GUCY2C: variants seen among roughly 807,000 people sequenced by gnomAD.
GUCY2C encodes the protein guanylyl cyclase C.
GUCY2C carries 118 observed loss-of-function variants against 131.1 expected under a neutral mutation model. The ratio of observed to expected loss-of-function variants is 0.90; its 90% confidence interval spans 0.78 to 1.05. GUCY2C has a LOEUF of 1.05. Ranked by LOEUF, GUCY2C falls within the 50% of genes least tolerant of loss-of-function variation. The pLI is 0.00. For synonymous variants in GUCY2C, 452 were observed against 457.8 expected, an observed-to-expected ratio of 0.99 and a Z score of 0.16; for missense variants, 1,161 against 1,304.4, an observed-to-expected ratio of 0.89 and a Z score of 1.69.
chr12:14,679,150 G>T (rs1948295338), intron 6 of GUCY2C, among the ~76,000 whole-genome samples: 1 of 152,214 alleles, frequency 6.6e-6, no homozygotes, highest in African/African-American at 2.4e-5. Context: ...CAGTATTATT[G>T]AGTCTTTAGT....
At chr12:14,615,547 C>A (rs906162904) in intron 25 of GUCY2C, among the ~76,000 whole-genome samples, 1 of 151,320 alleles carries the variant, frequency 6.6e-6, no homozygotes, top group Non-Finnish European at 1.5e-5. Context: ...ATGGCCCAAA[C>A]ACAGCCAGTG....
At chr12:14,672,113 C>T (rs1235231528) in intron 9 of GUCY2C, among the ~76,000 whole-genome samples, 1 of 151,992 alleles carries the variant, frequency 6.6e-6, no homozygotes, top group Non-Finnish European at 1.5e-5. Context: ...TATGTTATGT[C>T]AGGACCTGAC....
intron 9 of GUCY2C, 132 bp from the exon 10 acceptor site, chr12:14,669,965 A>C (rs1183946166): frequency 9.4e-6 from 5 of 529,952 alleles, no homozygotes; most frequent in South Asian, 2.7e-5. Flanking sequence ...GCAACTGTTA[A>C]CCAGCTAGTT....
At chr12:14,662,815 T>G (rs1406710696) in intron 10 of GUCY2C, among the ~76,000 whole-genome samples, 1 of 152,210 alleles carries the variant, frequency 6.6e-6, no homozygotes, top group Non-Finnish European at 1.5e-5. Flanking sequence ...GTCTTTATTT[T>G]GGTTACCAAA....
At chr12:14,633,572 A>G (rs1477955703) in intron 19 of GUCY2C, among the ~76,000 whole-genome samples, 1 of 152,194 alleles carries the variant, frequency 6.6e-6, no homozygotes, top group African/African-American at 2.4e-5. Flanking sequence ...TCCAATGAAA[A>G]GGAAATTAAT....
intron 20 of GUCY2C, among the ~76,000 whole-genome samples, chr12:14,626,592 C>G (rs1947022557): frequency 6.6e-6 from 1 of 152,116 alleles, no homozygotes; most frequent in Non-Finnish European, 1.5e-5. Context: ...TCACAGTATT[C>G]TTTACAACAG....
At chr12:14,616,594 G>T in intron 25 of GUCY2C, 39 bp downstream of exon 25, 2 of 1,153,686 alleles carry the variant, frequency 1.7e-6, no homozygotes, top group Non-Finnish European at 2.6e-6. Context: ...AAGCGTGTCT[G>T]AGAGCTTTTC....
At chr12:14,632,335 T>G (rs1279346100) in intron 19 of GUCY2C, among the ~76,000 whole-genome samples, 2 of 152,206 alleles carry the variant, frequency 1.3e-5, no homozygotes, top group Non-Finnish European at 2.9e-5. Context: ...TGCCTAGGTT[T>G]TCTTCTAGGG....
At chr12:14,626,195 C>T (rs1947011606) in intron 20 of GUCY2C, among the ~76,000 whole-genome samples, 1 of 151,980 alleles carries the variant, frequency 6.6e-6, no homozygotes, top group Admixed American at 6.6e-5. Context: ...CAGAAATTAG[C>T]CGGGCATGGT....
chr12:14,624,182 T>C (rs1946956980), intron 21 of GUCY2C, among the ~76,000 whole-genome samples: 1 of 152,178 alleles, frequency 6.6e-6, no homozygotes, highest in African/African-American at 2.4e-5. Flanking sequence ...GGCTCACACC[T>C]GTAATCCCAG....
chr12:14,622,670 G>C (rs757630856), intron 21 of GUCY2C, among the ~76,000 whole-genome samples: 3 of 152,060 alleles, frequency 2.0e-5, no homozygotes, highest in Non-Finnish European at 4.4e-5. Flanking sequence ...ATGTAATATG[G>C]CATTGCTTAA....
intron 5 of GUCY2C, among the ~76,000 whole-genome samples, chr12:14,680,600 T>TA (rs1321636208): frequency 2.6e-5 from 4 of 152,338 alleles, no homozygotes. Flanking sequence ...TTGCCCCTGA[T>TA]ACATTCTTGT....
intron 25 of GUCY2C, among the ~76,000 whole-genome samples, chr12:14,615,353 G>GCTACAAAACTTTTGCTACAGTTTCC (rs1256619900): frequency 6.6e-6 from 1 of 151,800 alleles, no homozygotes; most frequent in Non-Finnish European, 1.5e-5. Context: ...ATAAAGTTTT[G>GCTACAAAACTTTTGCTACAGTTTCC]CTACAAAACT....
At chr12:14,630,200 A>G (rs1947111287) in intron 19 of GUCY2C, among the ~76,000 whole-genome samples, 1 of 151,808 alleles carries the variant, frequency 6.6e-6, no homozygotes, top group Non-Finnish European at 1.5e-5. Context: ...TACTAGATGC[A>G]ATCCCTGTCC....
chr12:14,683,239 G>C lies in GUCY2C; in HGVS notation c.414C>G (p.Ser138Arg), dbSNP rs1948386871. The C allele has an allele frequency of 6.2e-7, 1 of 1,612,342 alleles. No homozygotes were observed. Among genetic ancestry groups the C allele is most frequent in the Non-Finnish European group, 8.5e-7 (1 of 1,178,550 alleles). Residue 138 changes from serine (S) to arginine (R), a missense_variant, in exon 4 of 27, where the codon AGC becomes AGG. Physicochemically the swap from Ser to Arg is moderately radical, Grantham distance 110. Coordinates refer to ENST00000261170, the MANE Select transcript of GUCY2C (RefSeq NM_004963.4). ...AACTTCCAGCTGAGATCATGGGGTA[G>C]CTCAATTCTGTGTCAAGGCTATGTC... ...TFQMYLDTEL[S>R]YPMISAGSFG...
In GUCY2C at chr12:14,661,016, C is replaced by T; in HGVS notation, c.1329G>A (p.Val443=). ...GGAGAGCGACGAGCAGGAGCAGCAC[C>T]ACAGCTCCAGTGAGGGTGAAGACTG... The part of the protein sequence containing the change: ...MIAVFTLTGA[V]VLLLLVALLM... The change falls in exon 11 of 27, where the codon GTG becomes GTA. Residue 443 remains valine, a synonymous_variant. Transcript: ENST00000261170. The T allele has an allele frequency of 1.2e-6, 2 of 1,613,152 alleles. No homozygotes were observed. Among genetic ancestry groups the T allele is most frequent in the African/African-American group, 2.7e-5 (2 of 75,004 alleles).
At chr12:14,683,386 G>T (rs1224617016) in intron 3 of GUCY2C, 129 bp from the exon 4 acceptor site, 1 of 635,474 alleles carries the variant, frequency 1.6e-6, no homozygotes, top group Admixed American at 2.8e-5. Flanking sequence ...ATTAAAGCAG[G>T]TTTCTCATGT....
intron 3 of GUCY2C, 55 bp downstream of exon 3, chr12:14,686,106 G>A (rs1948463720): frequency 9.4e-7 from 1 of 1,066,692 alleles, no homozygotes; most frequent in Non-Finnish European, 1.5e-6. Flanking sequence ...TGTTTGATGA[G>A]TCCTTTAAGT....
At position 14,696,240 on chromosome 12, in the gene GUCY2C, T is replaced by G; in HGVS notation, c.209A>C (p.Gln70Pro). 1 of 1,612,886 alleles carries G rather than the reference T, an allele frequency of 6.2e-7. No individual in the cohort carries two copies. Among genetic ancestry groups the G allele is most frequent in the Non-Finnish European group, 8.5e-7 (1 of 1,178,842 alleles). The change falls in exon 1 of 27, where the codon CAA (glutamine) becomes CCA (proline). Residue 70 changes from glutamine (Q) to proline (P), a missense_variant. By Grantham distance (76) the Gln-to-Pro change is moderately conservative. Coordinates refer to ENST00000261170, the MANE Select transcript of GUCY2C (RefSeq NM_004963.4). ...TATTAACATTTTCTTACCAGCATTT[T>G]GCAGACGTCCTCTCACTATTTCCAG... Reference protein sequence around the residue: ...EGLEIVRGRLQNAGLNVTVNA... With the variant: ...EGLEIVRGRLPNAGLNVTVNA...
Sources: allele counts gnomAD v4.1 joint callset (sites outside exome capture counted in the v4.1 genomes callset), GRCh38; gene constraint gnomAD v4.1.1; transcripts MANE v1.5; gene names NCBI Gene and HGNC (gene_info 2026-07-23, HGNC 2026-07-21).